LRRFIP1: variants seen among roughly 807,000 people sequenced by gnomAD.
The protein encoded by LRRFIP1 is leucine-rich repeat flightless-interacting protein 1.
In LRRFIP1, 62 loss-of-function variants were observed where a neutral mutation model predicts 104.4. The ratio of observed to expected loss-of-function variants is 0.59; its 90% CI spans 0.48 to 0.73. The LOEUF (loss-of-function observed/expected upper bound fraction) is 0.73. LRRFIP1 is among the 30% of genes least tolerant of loss of function. The pLI is 0.00. For missense variants in LRRFIP1, 796 were observed against 824.5 expected, an observed-to-expected ratio of 0.97 and a Z score of 0.42; for synonymous variants, 300 against 299.0, an observed-to-expected ratio of 1.00 and a Z score of -0.03.
At chr2:237,714,357 C>A in intron 3 of LRRFIP1, 81 bp downstream of exon 3, 1 of 1,073,874 alleles carries the variant, frequency 9.3e-7, no homozygotes, top group South Asian at 1.4e-5. Flanking sequence ...TCAGAAATAA[C>A]ACCTTGCACT....
At chr2:237,692,900 C>G (rs1398970457) in intron 1 of LRRFIP1, among the ~76,000 whole-genome samples, 1 of 152,268 alleles carries the variant, frequency 6.6e-6, no homozygotes, top group Admixed American at 6.5e-5. Flanking sequence ...GTGGCCAGAG[C>G]CGGTGCCCTC....
At chr2:237,706,758 G>A (rs1014312877) in intron 1 of LRRFIP1, among the ~76,000 whole-genome samples, 1 of 152,164 alleles carries the variant, frequency 6.6e-6, no homozygotes, top group Non-Finnish European at 1.5e-5. Flanking sequence ...CTCCCAAGTA[G>A]CTGGGACCAC....
At chr2:237,679,035 C>T (rs369646003) in intron 1 of LRRFIP1, among the ~76,000 whole-genome samples, 13 of 152,170 alleles carry the variant, frequency 8.5e-5, no homozygotes, top group East Asian at 3.8e-4. Context: ...CCAGGCACAG[C>T]GCGCCTAGAA....
At chr2:237,772,815 A>AT in intron 21 of LRRFIP1, 51 bp from the exon 22 acceptor site, 1 of 1,230,808 alleles carries the variant, frequency 8.1e-7, no homozygotes, top group South Asian at 1.2e-5. Flanking sequence ...TTGTTTTAAT[A>AT]TTTGAAAAGC....
chr2:237,739,149 G>T lies in LRRFIP1; in HGVS notation c.556-83G>T, dbSNP rs560217902. On this transcript the variant is annotated intron_variant, in intron 10 of 23. Coordinates refer to ENST00000308482, the MANE Select transcript of LRRFIP1 (RefSeq NM_001137550.2). ...CACCACTTACTGCAGCATGTTTTCT[G>T]TCGGCCTCTATTCTCCTTGCTCCTT... 2.0e-5 allele frequency: 25 copies of T among 1,244,972 alleles called. No individual in the cohort carries two copies. In the East Asian group the frequency reaches 5.4e-4, roughly 27 times the overall value. 77.1% of individuals were successfully genotyped at this position (1,244,972 alleles called of 1,614,324 possible).
rs1035090657 is a variant in LRRFIP1 at position 237,661,684 on chromosome 2, G to A, written c.96+33944G>A. ...CACGTTCCGAAAGCACATTCCAGGG[G>A]GACAGTTGTGTCCCTGGTGCAACAC... is the stretch of plus-strand genomic sequence containing the variant. On this transcript the variant is annotated intron_variant, in intron 1 of 23. Transcript: ENST00000308482. This position sits in a 1 kb window ranked among gnomAD's most constrained non-coding sequence, Gnocchi z 4.4. Among the ~76,000 whole-genome samples, 1 of 152,192 alleles carries A rather than the reference G, an allele frequency of 6.6e-6. No individual in the cohort carries two copies. Among genetic ancestry groups the A allele is most frequent in the African/African-American group, 2.4e-5 (1 of 41,442 alleles).
chr2:237,638,315 C>T (rs929299546), intron 1 of LRRFIP1, among the ~76,000 whole-genome samples: 4 of 152,094 alleles, frequency 2.6e-5, no homozygotes, highest in South Asian at 4.2e-4. Flanking sequence ...ATAGGTTTCG[C>T]ACTCTTAAGA....
chr2:237,668,854 G>GGCAATA lies in LRRFIP1; in HGVS notation c.97-39688_97-39683dup, dbSNP rs565779556. 2.1e-3 allele frequency among the ~76,000 whole-genome samples: 322 copies of GGCAATA among 152,200 alleles called. 4 individuals carry two copies. The highest frequency in any genetic ancestry group is 7.3e-3 in the African/African-American group (302 of 41,516). On this transcript the variant is annotated intron_variant, in intron 1 of 23. Coordinates refer to ENST00000308482, the MANE Select transcript of LRRFIP1 (RefSeq NM_001137550.2). ...ATAGAAAAATAATAAGGAAAATTCA[G>GGCAATA]GCAATAGTAGAAAATAAAAATTATG... is the stretch of plus-strand genomic sequence containing the variant.
chr2:237,637,853 T>C (rs1183153309), intron 1 of LRRFIP1, among the ~76,000 whole-genome samples: 1 of 152,212 alleles, frequency 6.6e-6, no homozygotes, highest in African/African-American at 2.4e-5. Context: ...ATTTCTTTCA[T>C]TTTTATTTTT....
chr2:237,765,661 G>C, intron 19 of LRRFIP1: 1 of 967,998 alleles, frequency 1.0e-6, no homozygotes, highest in Non-Finnish European at 1.2e-6. Flanking sequence ...TTCTTGTTTT[G>C]ATCTGCCTGA....
chr2:237,689,528 C>T (rs988488172), intron 1 of LRRFIP1, among the ~76,000 whole-genome samples: 20 of 152,318 alleles, frequency 1.3e-4, no homozygotes, highest in Non-Finnish European at 2.6e-4. Context: ...CTCATCAGCT[C>T]GCTGCTTCTT....
At chr2:237,718,723 G>A (rs936276081) in intron 4 of LRRFIP1, among the ~76,000 whole-genome samples, 1 of 152,148 alleles carries the variant, frequency 6.6e-6, no homozygotes, top group African/African-American at 2.4e-5. Flanking sequence ...AATGATCTGA[G>A]GAAAATCCAA....
At chr2:237,739,576 T>C (rs1360127805) in intron 11 of LRRFIP1, among the ~76,000 whole-genome samples, 5 of 152,152 alleles carry the variant, frequency 3.3e-5, no homozygotes, top group African/African-American at 9.7e-5. Context: ...ATTTAAAAAT[T>C]TGAAGTATTG....
intron 23 of LRRFIP1, among the ~76,000 whole-genome samples, chr2:237,776,618 A>G (rs149554257): frequency 1.6e-4 from 25 of 151,934 alleles, no homozygotes; most frequent in Non-Finnish European, 3.4e-4. Context: ...TAAAATTCTG[A>G]TATCTTCTTG....
chr2:237,773,487 G>A (rs980297701), intron 22 of LRRFIP1, among the ~76,000 whole-genome samples: 4 of 152,098 alleles, frequency 2.6e-5, no homozygotes, highest in Non-Finnish European at 5.9e-5. Flanking sequence ...GCAGTGAGCC[G>A]AGATCACGCC....
At chr2:237,634,764 T>C (rs2082862674) in intron 1 of LRRFIP1, among the ~76,000 whole-genome samples, 1 of 152,266 alleles carries the variant, frequency 6.6e-6, no homozygotes, top group Non-Finnish European at 1.5e-5. Flanking sequence ...TGATTTATTT[T>C]CTTTTTCATT....
intron 1 of LRRFIP1, among the ~76,000 whole-genome samples, chr2:237,654,443 A>T (rs1471039613): frequency 6.6e-6 from 1 of 152,252 alleles, no homozygotes; most frequent in Non-Finnish European, 1.5e-5. Flanking sequence ...CATTGTAGAA[A>T]ACAGTATGGA....
chr2:237,639,565 C>A (rs889525080), intron 1 of LRRFIP1, among the ~76,000 whole-genome samples: 1 of 152,178 alleles, frequency 6.6e-6, no homozygotes, highest in African/African-American at 2.4e-5. Context: ...CACTTCACCC[C>A]AGCCTTGTTC....
At chr2:237,779,255 C>G in intron 23 of LRRFIP1, 167 bp from the exon 24 acceptor site, 1 of 701,016 alleles carries the variant, frequency 1.4e-6, no homozygotes, top group Non-Finnish European at 1.8e-6. Context: ...CAAGGGTGTT[C>G]CCTCTCTGGA....
Sources: allele counts gnomAD v4.1 joint callset (sites outside exome capture counted in the v4.1 genomes callset), GRCh38; gene constraint gnomAD v4.1.1; non-coding constraint Gnocchi (gnomAD v3.1); transcripts MANE v1.5; gene names NCBI Gene and HGNC (gene_info 2026-07-23, HGNC 2026-07-21).